Variants in STK32B observed in about 807,000 individuals in gnomAD.
The protein encoded by STK32B is serine/threonine kinase 32B, also known as serine/threonine-protein kinase 32B.
Under a neutral mutation model 52.6 loss-of-function variants are expected in STK32B, and 43 were observed. The observed-to-expected ratio is 0.82, with a 90% CI of 0.64 to 1.05. The LOEUF (loss-of-function observed/expected upper bound fraction) is 1.05. Among genes scored for constraint, STK32B ranks in the 50% least tolerant of loss-of-function variants. The pLI is 0.00. For missense variants in STK32B, 621 were observed against 534.6 expected (o/e 1.16, Z -1.59); for synonymous variants, 238 against 204.3 (o/e 1.17, Z -1.41).
chr4:5,308,810 T>C (rs896638875), intron 3 of STK32B, among the ~76,000 whole-genome samples: 2 of 151,672 alleles, frequency 1.3e-5, no homozygotes, highest in African/African-American at 2.4e-5. Context: ...CAAGGAAAAG[T>C]ATAAAGCTTT....
chr4:5,167,713 T>C (rs988302218), intron 2 of STK32B, among the ~76,000 whole-genome samples: 2 of 152,238 alleles, frequency 1.3e-5, no homozygotes, highest in South Asian at 4.1e-4. Flanking sequence ...GGGGTACTGA[T>C]ACTCCCGTTT....
intron 3 of STK32B, among the ~76,000 whole-genome samples, chr4:5,183,622 C>T (rs1054460714): frequency 6.6e-6 from 1 of 152,134 alleles, no homozygotes; most frequent in Non-Finnish European, 1.5e-5. Flanking sequence ...ATTCAGAACA[C>T]ACACAACATT....
At chr4:5,264,790 CA>C (rs199565113) in intron 3 of STK32B, among the ~76,000 whole-genome samples, 15,158 of 145,974 alleles carry the variant, frequency 0.1, 2,100 homozygotes, top group African/African-American at 0.32. Context: ...CCATCTCAAA[CA>C]AAAAAAAAAA....
At chr4:5,317,636 C>G (rs1438347085) in intron 3 of STK32B, among the ~76,000 whole-genome samples, 1 of 146,048 alleles carries the variant, frequency 6.8e-6, no homozygotes, top group East Asian at 2.0e-4. Flanking sequence ...TGCCCTGGAC[C>G]AGGCCCTGAG....
At chr4:5,199,470 A>G (rs1194575082) in intron 3 of STK32B, among the ~76,000 whole-genome samples, 1 of 151,512 alleles carries the variant, frequency 6.6e-6, no homozygotes, top group Non-Finnish European at 1.5e-5. Flanking sequence ...TGCTTACATT[A>G]TAAATCAGCT....
At chr4:5,446,096 C>A (rs536792441) in intron 6 of STK32B, among the ~76,000 whole-genome samples, 63 of 152,338 alleles carry the variant, frequency 4.1e-4, no homozygotes, top group African/African-American at 1.5e-3. Context: ...TCTTCCCTTT[C>A]GCCAAGTGGA....
chr4:5,341,988 C>G (rs1185539152), intron 4 of STK32B, among the ~76,000 whole-genome samples: 2 of 152,156 alleles, frequency 1.3e-5, no homozygotes, highest in Non-Finnish European at 2.9e-5. Context: ...AATGCTATCC[C>G]TCCCCTCTCC....
chr4:5,114,901 C>T (rs1330928776), intron 1 of STK32B, among the ~76,000 whole-genome samples: 1 of 152,054 alleles, frequency 6.6e-6, no homozygotes, highest in Non-Finnish European at 1.5e-5. Context: ...GCACCCTGCA[C>T]CCCAAGCCTC....
At chr4:5,123,477 A>G (rs1715181678) in intron 1 of STK32B, among the ~76,000 whole-genome samples, 2 of 152,094 alleles carry the variant, frequency 1.3e-5, no homozygotes, top group African/African-American at 2.4e-5. Context: ...GGGCTGCTGT[A>G]ACAAAGTGTC....
At chr4:5,292,023 G>A (rs1222489953) in intron 3 of STK32B, among the ~76,000 whole-genome samples, 1 of 152,078 alleles carries the variant, frequency 6.6e-6, no homozygotes, top group Non-Finnish European at 1.5e-5. Context: ...ACCACTGATA[G>A]GCACTTAAGT....
At chr4:5,248,051 T>G (rs1379028313) in intron 3 of STK32B, among the ~76,000 whole-genome samples, 1 of 152,204 alleles carries the variant, frequency 6.6e-6, no homozygotes, top group Non-Finnish European at 1.5e-5. Flanking sequence ...CAACCGCAGC[T>G]ACAGGTGTGT....
chr4:5,226,280 C>T (rs1723866249), intron 3 of STK32B, among the ~76,000 whole-genome samples: 1 of 152,068 alleles, frequency 6.6e-6, no homozygotes. Flanking sequence ...TTCTTTCCTC[C>T]ACGTTGCATT....
At chr4:5,342,323 G>A (rs928572209) in intron 4 of STK32B, among the ~76,000 whole-genome samples, 2 of 152,088 alleles carry the variant, frequency 1.3e-5, no homozygotes, top group African/African-American at 2.4e-5. Flanking sequence ...ATGGTAGACT[G>A]GATTAAGAAA....
intron 1 of STK32B, among the ~76,000 whole-genome samples, chr4:5,131,629 C>T (rs544874888): frequency 1.2e-4 from 18 of 152,182 alleles, no homozygotes; most frequent in Admixed American, 6.5e-4. Flanking sequence ...CTGCCTGCTG[C>T]TCCTGGGGAC....
rs569959825 is a variant in STK32B, at chr4:5,254,715, A to G, written c.261-76505A>G. ...GTTCCAGCTTAATTTAACTGTAACT[A>G]GAACATAAACTGTACAGTTATAGTG... On this transcript the variant is annotated intron_variant, in intron 3 of 11. Transcript: ENST00000282908. Among the ~76,000 whole-genome samples, 67 of 152,302 alleles carry G rather than the reference A, an allele frequency of 4.4e-4. 1 individual carries two copies. The South Asian group carries it at 5.4e-3, about 12-fold the overall frequency.
chr4:5,481,668 G>T (rs1012533095), intron 11 of STK32B, among the ~76,000 whole-genome samples: 1 of 152,166 alleles, frequency 6.6e-6, no homozygotes, highest in Non-Finnish European at 1.5e-5. Context: ...CCATGCCTAT[G>T]TCCTGAATGG....
intron 3 of STK32B, among the ~76,000 whole-genome samples, chr4:5,191,833 G>A (rs749268456): frequency 1.3e-4 from 20 of 152,178 alleles, no homozygotes; most frequent in Non-Finnish European, 2.6e-4. Flanking sequence ...ATTGAAGGCA[G>A]CACATGAATG....
intron 3 of STK32B, among the ~76,000 whole-genome samples, chr4:5,222,509 A>T (rs1346330751): frequency 6.6e-6 from 1 of 152,208 alleles, no homozygotes; most frequent in African/African-American, 2.4e-5. Context: ...ATGAGTTCTT[A>T]AGTGTAGATG....
At chr4:5,484,540 C>A (rs1718987784) in intron 11 of STK32B, among the ~76,000 whole-genome samples, 1 of 152,160 alleles carries the variant, frequency 6.6e-6, no homozygotes, top group South Asian at 2.1e-4. Context: ...GACTCTTTAT[C>A]CAGTTTGCCA....
Sources: gnomAD v4.1 joint callset for allele counts (sites outside exome capture counted in the v4.1 genomes callset) on GRCh38, gnomAD v4.1.1 for gene constraint, MANE v1.5 for transcripts, NCBI Gene and HGNC (gene_info 2026-07-23, HGNC 2026-07-21) for gene names.